Variants in FBP1 observed in about 807,000 individuals in gnomAD.
FBP1 encodes the protein fructose-bisphosphatase 1, also known as fructose-1,6-bisphosphatase 1.
FBP1 carries 22 observed loss-of-function variants against 29.9 expected under a neutral mutation model. The observed-to-expected ratio is 0.74, with a 90% CI of 0.53 to 1.05. The LOEUF (loss-of-function observed/expected upper bound fraction) is 1.05. Among genes scored for constraint, FBP1 ranks in the 50% least tolerant of loss-of-function variants. FBP1 has a pLI of 0.00. For synonymous variants in FBP1, 175 were observed against 178.6 expected, an observed-to-expected ratio of 0.98 and a Z score of 0.16; for missense variants, 345 against 448.2, an observed-to-expected ratio of 0.77 and a Z score of 2.08.
rs769486510 is a variant in FBP1, at chr9:94,605,533, AC to A, written c.748del (p.Val250TrpfsTer27). On this transcript the variant is annotated frameshift_variant, in exon 6 of 7. Coordinates refer to ENST00000375326, the MANE Select transcript of FBP1 (RefSeq NM_000507.4). LOFTEE classifies it high-confidence loss of function. ...GACCAGAGTGCGATGAACATCAGCC[AC>A]CATGGAGCCCACATACCGGGCCCCA... ...PYGARYVGSM[V>X]ADVHRTLVYG... is the part of the protein sequence containing the mutation. The A allele has an allele frequency of 1.9e-6, 3 of 1,613,876 alleles. No homozygotes were observed. The highest frequency in any genetic ancestry group is 1.7e-6 in the Non-Finnish European group (2 of 1,179,788).
chr9:94,638,821 C>A (rs1382840921), intron 1 of FBP1, among the ~76,000 whole-genome samples: 2 of 152,092 alleles, frequency 1.3e-5, no homozygotes, highest in South Asian at 4.1e-4. Context: ...CAGGTGCCCA[C>A]ACTTGGCCGG....
intron 1 of FBP1, among the ~76,000 whole-genome samples, chr9:94,633,866 G>A (rs1046337770): frequency 3.3e-5 from 5 of 151,208 alleles, no homozygotes; most frequent in African/African-American, 1.2e-4. Context: ...CACCACGCCC[G>A]GCTAATTTTT....
intron 1 of FBP1, among the ~76,000 whole-genome samples, chr9:94,637,813 G>A (rs933698805): frequency 6.6e-6 from 1 of 151,936 alleles, no homozygotes. Flanking sequence ...AAATACCTGC[G>A]CACGGCGGCT....
chr9:94,619,327 T>C (rs1360729346), intron 2 of FBP1, among the ~76,000 whole-genome samples: 1 of 152,150 alleles, frequency 6.6e-6, no homozygotes, highest in Non-Finnish European at 1.5e-5. Flanking sequence ...TTCTCATTGT[T>C]TTTTCCTAAT....
intron 1 of FBP1, among the ~76,000 whole-genome samples, chr9:94,622,879 A>C (rs1162034337): frequency 6.6e-6 from 1 of 152,166 alleles, no homozygotes; most frequent in African/African-American, 2.4e-5. Context: ...GGCAGGGCCC[A>C]CCAGCTCAAA....
intron 1 of FBP1, among the ~76,000 whole-genome samples, chr9:94,625,423 C>A (rs1828008053): frequency 6.6e-6 from 1 of 152,118 alleles, no homozygotes; most frequent in Non-Finnish European, 1.5e-5. Context: ...CCGCATCCAC[C>A]AAGCCATGCG....
At chr9:94,607,063 G>A (rs764624966) in intron 4 of FBP1, 111 bp from the exon 5 acceptor site, 366 of 1,434,508 alleles carry the variant, frequency 2.6e-4, no homozygotes, top group Admixed American at 7.1e-4. Context: ...CGCGGCGCAC[G>A]GGCACCACTC....
At chr9:94,622,971 A>ATTATTTTTATTTTTATTTTTATTT (rs71366251) in intron 1 of FBP1, among the ~76,000 whole-genome samples, 1 of 147,672 alleles carries the variant, frequency 6.8e-6, no homozygotes, top group Non-Finnish European at 1.5e-5. Flanking sequence ...TCACTTTATG[A>ATTATTTTTATTTTTATTTTTATTT]TTATTTTTAT....
At chr9:94,611,931 C>A (rs1305257376) in intron 3 of FBP1, among the ~76,000 whole-genome samples, 1 of 152,062 alleles carries the variant, frequency 6.6e-6, no homozygotes, top group Admixed American at 6.5e-5. Context: ...GAGAAAACCA[C>A]AAACCAGAAA....
chr9:94,603,454 G>A lies in FBP1; in HGVS notation c.944C>T (p.Ala315Val), dbSNP rs911154278. 7 of 1,614,062 alleles carry A rather than the reference G, an allele frequency of 4.3e-6. No homozygotes were observed. The East Asian group carries it at 8.9e-5, about 21-fold the overall frequency. ...DVIPTDIHQR[A>V]PVILGSPDDV... ...GTCGGGGGATCCCAAGATCACCGGC[G>A]CCCTCTGGTGAATGTCTGTGGGAAT... The change falls in exon 7 of 7, where the codon GCG (alanine) becomes GTG (valine). Residue 315 changes from alanine to valine, a missense_variant. Transcript: ENST00000375326.
At chr9:94,636,618 T>C (rs1047041876) in intron 1 of FBP1, among the ~76,000 whole-genome samples, 1 of 152,094 alleles carries the variant, frequency 6.6e-6, no homozygotes, top group Non-Finnish European at 1.5e-5. Flanking sequence ...AAACACATCT[T>C]ACATTTCTCA....
intron 5 of FBP1, among the ~76,000 whole-genome samples, chr9:94,605,854 A>T (rs909263334): frequency 3.9e-5 from 6 of 152,190 alleles, no homozygotes; most frequent in African/African-American, 1.4e-4. Flanking sequence ...GGCAGGCATT[A>T]CAGAAACTGT....
chr9:94,626,217 A>G (rs1246268471), intron 1 of FBP1, among the ~76,000 whole-genome samples: 1 of 152,178 alleles, frequency 6.6e-6, no homozygotes, highest in Non-Finnish European at 1.5e-5. Flanking sequence ...GCTCCAACTC[A>G]ATGTTCACGT....
In FBP1 at chr9:94,610,167, T is replaced by C. The variant is rs1371538315; in HGVS notation, c.427-106A>G. 9 of 1,148,624 alleles carry C rather than the reference T, an allele frequency of 7.8e-6. No individual in the cohort carries two copies. The African/African-American group carries it at 9.2e-5, about 12-fold the overall frequency. 71.2% of individuals were successfully genotyped at this position (1,148,624 alleles called of 1,614,324 possible). A position where few individuals can be genotyped will look rare whatever the true frequency, so the allele number is the denominator to read the frequency against. ...TTCTCAAGGTGCTCTTCTAATGAAA[T>C]AGGGCATCTTCCCAGAGGGGCCTTC... is the stretch of plus-strand genomic sequence containing the variant. On this transcript the variant is annotated intron_variant, in intron 3 of 6. Transcript: ENST00000375326.
chr9:94,632,561 G>A (rs1231920293), intron 1 of FBP1, among the ~76,000 whole-genome samples: 1 of 152,016 alleles, frequency 6.6e-6, no homozygotes, highest in African/African-American at 2.4e-5. Flanking sequence ...CCAGCTACCT[G>A]GAAGGCTGAG....
At chr9:94,620,894 C>A (rs1827936941) in intron 1 of FBP1, among the ~76,000 whole-genome samples, 1 of 152,096 alleles carries the variant, frequency 6.6e-6, no homozygotes, top group African/African-American at 2.4e-5. Flanking sequence ...CATGTGTATC[C>A]CAGAACTTAA....
rs903661717 is a variant in FBP1 at position 94,607,064 on chromosome 9, G to A, written c.568-112C>T. On this transcript the variant is annotated intron_variant, in intron 4 of 6. Transcript: ENST00000375326. ...CGCTGGGCTGGGGTCGCGGCGCACG[G>A]GCACCACTCATCTTGGGGCCCCGAG... 4.9e-6 allele frequency: 7 copies of A among 1,434,064 alleles called. No individual in the cohort carries two copies. In the African/African-American group the frequency reaches 5.6e-5, roughly 11 times the overall value. 88.8% of individuals were successfully genotyped at this position (1,434,064 alleles called of 1,614,324 possible). A position where few individuals can be genotyped will look rare whatever the true frequency, so the allele number is the denominator to read the frequency against.
At chr9:94,607,742 G>T (rs1587853900) in intron 4 of FBP1, among the ~76,000 whole-genome samples, 2 of 152,052 alleles carry the variant, frequency 1.3e-5, no homozygotes, top group East Asian at 3.9e-4. Flanking sequence ...TTTAGGAGGG[G>T]CTTGACGTTG....
In FBP1 at chr9:94,639,423, G is replaced by GCGGGCGGCAGGTGCGGGCCGCGGGAC; in HGVS notation, c.-139_-114dup. The GCGGGCGGCAGGTGCGGGCCGCGGGAC allele has an allele frequency of 1.6e-6, 2 of 1,285,574 alleles. No homozygotes were observed. The highest frequency in any genetic ancestry group is 2.2e-6 in the Non-Finnish European group (2 of 911,644). The allele number at this position is 1,285,574 out of a possible 1,614,324, so 79.6% of individuals were successfully genotyped here. A position where few individuals can be genotyped will look rare whatever the true frequency, so the allele number is the denominator to read the frequency against. ...TGGCCGCAGGTGCGGAGCTGCAGGTGCGGGCGGCAGGTGCGGGCCGCGGGA... is the reference window on the plus strand; with the variant it reads ...TGGCCGCAGGTGCGGAGCTGCAGGTGCGGGCGGCAGGTGCGGGCCGCGGGACCGGGCGGCAGGTGCGGGCCGCGGGA... On this transcript the variant is annotated 5_prime_UTR_variant, in exon 1 of 7. Coordinates refer to ENST00000375326, the MANE Select transcript of FBP1 (RefSeq NM_000507.4).
Sources: gnomAD v4.1 joint callset for allele counts (sites outside exome capture counted in the v4.1 genomes callset) on GRCh38, gnomAD v4.1.1 for gene constraint, MANE v1.5 for transcripts, NCBI Gene and HGNC (gene_info 2026-07-23, HGNC 2026-07-21) for gene names.